The following NTM variants were observed in gnomAD, a reference collection of about 807,000 sequenced individuals.
The protein encoded by NTM is IgLON family member 2.
NTM carries 13 observed loss-of-function variants against 42.1 expected under a neutral mutation model. The ratio of observed to expected loss-of-function variants is 0.31; its 90% confidence interval spans 0.20 to 0.49. The LOEUF is 0.49. Among genes scored for constraint, NTM ranks in the 20% least tolerant of loss-of-function variants. NTM has a pLI of 0.99. For synonymous variants in NTM, 187 were observed against 179.2 expected (o/e 1.04, Z -0.35); for missense variants, 373 against 452.8 (o/e 0.82, Z 1.60).
At chr11:131,745,903 C>T (rs886352756) in intron 1 of NTM, among the ~76,000 whole-genome samples, 1 of 152,126 alleles carries the variant, frequency 6.6e-6, no homozygotes, top group East Asian at 1.9e-4. Flanking sequence ...CAAAAAACCC[C>T]TGTTTAATTC....
chr11:131,962,332 C>T (rs186699108), intron 2 of NTM, among the ~76,000 whole-genome samples: 1 of 152,300 alleles, frequency 6.6e-6, no homozygotes, highest in Admixed American at 6.5e-5. Flanking sequence ...ATGGACTGCA[C>T]AATTGTGTCC....
At chr11:131,718,072 T>C (rs2077910452) in intron 1 of NTM, among the ~76,000 whole-genome samples, 1 of 152,226 alleles carries the variant, frequency 6.6e-6, no homozygotes, top group Non-Finnish European at 1.5e-5. Flanking sequence ...ATGGCCCTGA[T>C]GTATACTTTT....
intron 1 of NTM, among the ~76,000 whole-genome samples, chr11:131,579,639 G>A (rs1323193211): frequency 1.3e-5 from 2 of 151,732 alleles, no homozygotes; most frequent in Non-Finnish European, 2.9e-5. Context: ...TCTGAAGGAA[G>A]AGTGGTTGAT....
intron 2 of NTM, among the ~76,000 whole-genome samples, chr11:132,066,658 G>A (rs944138915): frequency 2.8e-4 from 43 of 152,146 alleles, no homozygotes; most frequent in African/African-American, 9.9e-4. Context: ...GGTATTCTTT[G>A]GATTGATACA....
rs568661285 is a variant in NTM at position 131,727,271 on chromosome 11, A to G, written c.83-184293A>G. Among the ~76,000 whole-genome samples the G allele has an allele frequency of 2.1e-5, 3 of 145,166 alleles. No homozygotes were observed. In the South Asian group the frequency reaches 6.2e-4, roughly 30 times the overall value. On this transcript the variant is annotated intron_variant, in intron 1 of 8. Coordinates refer to ENST00000683400, the MANE Select transcript of NTM (RefSeq NM_001352005.2). Reference sequence around the variant, plus strand: ...TAGAAATGCTTTCTTCATCCTTCTAATTACACATATGATGTAGCATAATCA... The same window carrying G: ...TAGAAATGCTTTCTTCATCCTTCTAGTTACACATATGATGTAGCATAATCA...
intron 1 of NTM, among the ~76,000 whole-genome samples, chr11:131,578,887 G>A (rs2058156356): frequency 6.6e-6 from 1 of 152,282 alleles, no homozygotes; most frequent in Non-Finnish European, 1.5e-5. Context: ...GGTTCAAGCA[G>A]AGTATCCCAT....
In NTM at chr11:131,643,285, G is replaced by A. The variant is rs568182951; in HGVS notation, c.83-268279G>A. Among the ~76,000 whole-genome samples, 116 of 152,362 alleles carry A rather than the reference G, an allele frequency of 7.6e-4. 1 individual carries two copies. Among genetic ancestry groups the A allele is most frequent in the Middle Eastern group, 3.4e-3 (1 of 294 alleles). On this transcript the variant is annotated intron_variant, in intron 1 of 8. Coordinates refer to ENST00000683400, the MANE Select transcript of NTM (RefSeq NM_001352005.2). The stretch of plus-strand genomic sequence containing the variant: ...ATCAACAGGAGACTCCTGCTGATAT[G>A]ACACTTTCCATGTGCCTGCTTTGTT...
At chr11:132,074,595 A>G (rs2058123518) in intron 2 of NTM, among the ~76,000 whole-genome samples, 1 of 152,128 alleles carries the variant, frequency 6.6e-6, no homozygotes, top group Non-Finnish European at 1.5e-5. Flanking sequence ...TTCAACATAC[A>G]TACAGATTAG....
intron 1 of NTM, among the ~76,000 whole-genome samples, chr11:131,670,055 T>G (rs1220495964): frequency 6.6e-6 from 1 of 152,208 alleles, no homozygotes; most frequent in Non-Finnish European, 1.5e-5. Context: ...CAACTCTTGG[T>G]AATGAGAGAA....
intron 1 of NTM, among the ~76,000 whole-genome samples, chr11:131,744,582 C>G (rs921487941): frequency 6.6e-6 from 1 of 151,912 alleles, no homozygotes; most frequent in African/African-American, 2.4e-5. Context: ...AAGAAGAAGT[C>G]TATTAAGGAA....
At chr11:131,830,502 C>A (rs1342832874) in intron 1 of NTM, among the ~76,000 whole-genome samples, 1 of 152,152 alleles carries the variant, frequency 6.6e-6, no homozygotes, top group East Asian at 1.9e-4. Context: ...TTTCTGCATT[C>A]TCTATTCTGT....
chr11:131,708,444 T>C (rs982024427), intron 1 of NTM, among the ~76,000 whole-genome samples: 7 of 152,238 alleles, frequency 4.6e-5, no homozygotes, highest in Admixed American at 2.0e-4. Context: ...AACATTAACA[T>C]TAGAGATGTA....
chr11:131,732,722 T>C (rs952830283), intron 1 of NTM, among the ~76,000 whole-genome samples: 1 of 152,222 alleles, frequency 6.6e-6, no homozygotes, highest in Non-Finnish European at 1.5e-5. Flanking sequence ...TTTTATGTAT[T>C]CCTAGAGGGT....
At chr11:132,321,231 C>G (rs1326556721) in intron 7 of NTM, among the ~76,000 whole-genome samples, 1 of 152,102 alleles carries the variant, frequency 6.6e-6, no homozygotes, top group African/African-American at 2.4e-5. Flanking sequence ...TTGCTCTGAG[C>G]TACGGGAGGA....
At chr11:131,921,866 C>T (rs1349451428) in intron 2 of NTM, among the ~76,000 whole-genome samples, 1 of 152,086 alleles carries the variant, frequency 6.6e-6, no homozygotes, top group Non-Finnish European at 1.5e-5. Flanking sequence ...TCTCGACCAC[C>T]TGAGAAGTCA....
chr11:131,836,664 G>T (rs2136618045), intron 1 of NTM, among the ~76,000 whole-genome samples: 1 of 152,270 alleles, frequency 6.6e-6, no homozygotes, highest in East Asian at 1.9e-4. Flanking sequence ...TGCTGCAGAA[G>T]TCAGTTACCC....
chr11:131,383,750 A>G (rs1478082522), intron 1 of NTM, among the ~76,000 whole-genome samples: 1 of 152,194 alleles, frequency 6.6e-6, no homozygotes. Context: ...GAGTAACATG[A>G]CCACATTTGC....
At position 131,942,797 on chromosome 11, in the gene NTM, T is replaced by G. The variant is rs769242669; in HGVS notation, c.167+31149T>G. Among the ~76,000 whole-genome samples the G allele has an allele frequency of 3.1e-4, 47 of 151,672 alleles. 1 individual carries two copies. The highest frequency in any genetic ancestry group is 5.7e-4 in the Non-Finnish European group (39 of 67,924). On this transcript the variant is annotated intron_variant, in intron 2 of 8. Coordinates refer to ENST00000683400, the MANE Select transcript of NTM (RefSeq NM_001352005.2). Reference sequence around the variant, plus strand: ...CCCATCTCTACTAAAAACGCAAAAATTAGCTGGGCATGGTGACACGTGTCT... The same window carrying G: ...CCCATCTCTACTAAAAACGCAAAAAGTAGCTGGGCATGGTGACACGTGTCT...
At chr11:131,432,000 C>A (rs1459805727) in intron 1 of NTM, among the ~76,000 whole-genome samples, 1 of 152,150 alleles carries the variant, frequency 6.6e-6, no homozygotes, top group African/African-American at 2.4e-5. Flanking sequence ...TTTGATGATT[C>A]CTATTTGATG....
Sources: allele counts gnomAD v4.1 joint callset (sites outside exome capture counted in the v4.1 genomes callset), GRCh38; gene constraint gnomAD v4.1.1; transcripts MANE v1.5; gene names NCBI Gene and HGNC (gene_info 2026-07-23, HGNC 2026-07-21).